Variants in LIPG observed in about 807,000 individuals in gnomAD.
LIPG encodes lipase G, endothelial type.
In LIPG, 34 loss-of-function variants were observed where a neutral mutation model predicts 51.8. The observed-to-expected ratio is 0.66, with a 90% CI of 0.50 to 0.87. LIPG has a LOEUF of 0.87. Ranked by LOEUF, LIPG falls within the 40% of genes least tolerant of loss-of-function variation. The pLI is 0.00. For synonymous variants in LIPG, 246 were observed against 246.1 expected (o/e 1.00, Z 0.00); for missense variants, 580 against 652.7 (o/e 0.89, Z 1.21).
intron 3 of LIPG, among the ~76,000 whole-genome samples, chr18:49,568,674 C>T (rs2084632433): frequency 6.6e-6 from 1 of 152,206 alleles, no homozygotes; most frequent in South Asian, 2.1e-4. Context: ...AGCCACCGCA[C>T]CCAGCCTATT....
intron 9 of LIPG, among the ~76,000 whole-genome samples, chr18:49,589,153 G>A (rs189380524): frequency 2.6e-5 from 4 of 152,254 alleles, no homozygotes; most frequent in African/African-American, 9.6e-5. Flanking sequence ...TTATCAGGCA[G>A]CTGTGCCCGT....
intron 3 of LIPG, among the ~76,000 whole-genome samples, chr18:49,568,116 A>G (rs1180831299): frequency 6.6e-6 from 1 of 151,800 alleles, no homozygotes; most frequent in East Asian, 1.9e-4. Flanking sequence ...TGCAACCTCC[A>G]CCTCCCAGGT....
chr18:49,595,630 C>G lies in LIPG; in HGVS notation c.*5108C>G, dbSNP rs1294101699. The G allele has an allele frequency of 6.6e-6, 1 of 152,166 alleles. No individual in the cohort carries two copies. Among genetic ancestry groups the G allele is most frequent in the African/African-American group, 2.4e-5 (1 of 41,438 alleles). 9.4% of individuals were successfully genotyped at this position (152,166 alleles called of 1,614,324 possible). A position where few individuals can be genotyped will look rare whatever the true frequency, so the allele number is the denominator to read the frequency against. ...GGATCACGAGGTCAGGAGTGCGAGA[C>G]CAGCCTGGCCAATATGGTGAAACCA... On this transcript the variant is annotated 3_prime_UTR_variant, in exon 10 of 10. Transcript: ENST00000261292.
chr18:49,573,006 G>T (rs904897714), intron 4 of LIPG, among the ~76,000 whole-genome samples: 1 of 152,216 alleles, frequency 6.6e-6, no homozygotes, highest in Non-Finnish European at 1.5e-5. Context: ...CCACAGATAT[G>T]TGTCAGGGAC....
Position 49,590,951 on chromosome 18 carries a change from G to A in LIPG, c.*429G>A, listed in dbSNP as rs116186267. 2.7e-3 allele frequency: 790 copies of A among 293,214 alleles called. 8 individuals are homozygous for A. The highest frequency in any genetic ancestry group is 0.016 in the African/African-American group (723 of 46,350). The allele number at this position is 293,214 out of a possible 1,614,324, so 18.2% of individuals were successfully genotyped here. On this transcript the variant is annotated 3_prime_UTR_variant, in exon 10 of 10. Coordinates refer to ENST00000261292, the MANE Select transcript of LIPG (RefSeq NM_006033.4). ...TTGAGCCTCAGTGAGAAGTCCTTCC[G>A]ACAGGAGCTGACTCATGTCAGGATG...
At position 49,577,944 on chromosome 18, in the gene LIPG, T is replaced by C. The variant is rs867407856; in HGVS notation, c.793+2354T>C. ...GCGGGCAGAGGCGCCCCTCACCTCC[T>C]GGACGGGGCGGCTGGCCGGGCAGGG... On this transcript the variant is annotated intron_variant, in intron 5 of 9. Coordinates refer to ENST00000261292, the MANE Select transcript of LIPG (RefSeq NM_006033.4). Among the ~76,000 whole-genome samples the C allele has an allele frequency of 1.1e-3, 84 of 74,128 alleles. 1 individual carries two copies. Among genetic ancestry groups the C allele is most frequent in the South Asian group, 3.5e-3 (6 of 1,710 alleles). The allele number at this position is 74,128 out of a possible 152,430, so 48.6% of individuals were successfully genotyped here.
chr18:49,576,954 C>T (rs1568530936), intron 5 of LIPG, among the ~76,000 whole-genome samples: 1 of 152,198 alleles, frequency 6.6e-6, no homozygotes, highest in African/African-American at 2.4e-5. Context: ...GATTTACTAA[C>T]ATTATTTTTA....
At position 49,583,788 on chromosome 18, in the gene LIPG, G is replaced by A. The variant is rs773827861; in HGVS notation, c.1376+14G>A. 2 of 1,600,604 alleles carry A rather than the reference G, an allele frequency of 1.2e-6. No homozygotes were observed. The highest frequency in any genetic ancestry group is 8.5e-7 in the Non-Finnish European group (1 of 1,173,284). ...AACCCAGCGGAAGTAAGTGCCTCCT[G>A]CTCCTTCTTCTGCCTGGTGTAGGTG... On this transcript the variant is annotated intron_variant, in intron 8 of 9. Coordinates refer to ENST00000261292, the MANE Select transcript of LIPG (RefSeq NM_006033.4).
Position 49,594,701 on chromosome 18 carries a change from A to C in LIPG, c.*4179A>C, listed in dbSNP as rs1029337370. 1 of 152,210 alleles carries C rather than the reference A, an allele frequency of 6.6e-6. No individual in the cohort carries two copies. Among genetic ancestry groups the C allele is most frequent in the South Asian group, 2.1e-4 (1 of 4,828 alleles). 9.4% of individuals were successfully genotyped at this position (152,210 alleles called of 1,614,324 possible). A position where few individuals can be genotyped will look rare whatever the true frequency, so the allele number is the denominator to read the frequency against. On this transcript the variant is annotated 3_prime_UTR_variant, in exon 10 of 10. Coordinates refer to ENST00000261292, the MANE Select transcript of LIPG (RefSeq NM_006033.4). ...CTTTATTTCTGGTCTTAAGTGTGAA[A>C]ACATTTCTAAATGACAAGGAAGCTC...
chr18:49,571,722 G>A (rs2084665991), intron 4 of LIPG, among the ~76,000 whole-genome samples: 1 of 152,196 alleles, frequency 6.6e-6, no homozygotes, highest in Non-Finnish European at 1.5e-5. Context: ...ATTGAGACTT[G>A]CATGGGGTCC....
At chr18:49,585,183 T>C (rs2084868387) in intron 8 of LIPG, among the ~76,000 whole-genome samples, 2 of 152,206 alleles carry the variant, frequency 1.3e-5, no homozygotes, top group African/African-American at 2.4e-5. Flanking sequence ...TGACTCAGCC[T>C]TCTGAGTAAC....
At chr18:49,561,949 G>A, upstream of LIPG, 1 of 1,368,804 alleles carries the variant, frequency 7.3e-7, no homozygotes, top group Middle Eastern at 2.7e-4. Flanking sequence ...CGTCAGCAAG[G>A]TGTGACCAAT....
chr18:49,577,705 CA>C (rs1313689163), intron 5 of LIPG, among the ~76,000 whole-genome samples: 4 of 80,920 alleles, frequency 4.9e-5, no homozygotes, highest in Admixed American at 9.9e-5. Context: ...GCTGACCCCC[CA>C]ACCTCCCTCC....
Position 49,562,410 on chromosome 18 carries a change from C to G in LIPG, c.97+5C>G, listed in dbSNP as rs376279370. On this transcript the variant is annotated splice_donor_5th_base_variant and intron_variant, in intron 1 of 9. Transcript: ENST00000261292. Reference sequence around the variant, plus strand: ...GTCCAGAGGGACGGCTGGAAGGTAACGTGAATTTGTTTTTATTCCCCCCAG... The same window carrying G: ...GTCCAGAGGGACGGCTGGAAGGTAAGGTGAATTTGTTTTTATTCCCCCCAG... The G allele has an allele frequency of 6.2e-7, 1 of 1,613,092 alleles. No homozygotes were observed.
chr18:49,565,605 C>T, intron 2 of LIPG, 107 bp downstream of exon 2: 2 of 1,295,500 alleles, frequency 1.5e-6, no homozygotes, highest in Admixed American at 1.9e-5. Context: ...CCTCTTCCCC[C>T]CTTTCCTTGT....
intron 7 of LIPG, among the ~76,000 whole-genome samples, 156 bp downstream of exon 7, chr18:49,582,638 C>T (rs980861982): frequency 3.3e-5 from 5 of 152,210 alleles, no homozygotes; most frequent in African/African-American, 1.2e-4. Context: ...CCTCTGCAGT[C>T]CTCTCTCCCA....
chr18:49,562,142 G>A lies in LIPG; in HGVS notation c.-167G>A. 1 of 1,467,784 alleles carries A rather than the reference G, an allele frequency of 6.8e-7. No individual in the cohort carries two copies. The highest frequency in any genetic ancestry group is 1.4e-5 in the South Asian group (1 of 70,976). The allele number at this position is 1,467,784 out of a possible 1,614,324, so 90.9% of individuals were successfully genotyped here. ...CCGTTGACACTCGCTCCCTGCCACC[G>A]CCCGGGCTCCGTGCCGCCAAGTTTT... is the stretch of plus-strand genomic sequence containing the variant. On this transcript the variant is annotated 5_prime_UTR_variant, in exon 1 of 10. Transcript: ENST00000261292.
At chr18:49,587,988 C>T (rs1489789699) in intron 9 of LIPG, among the ~76,000 whole-genome samples, 1 of 152,106 alleles carries the variant, frequency 6.6e-6, no homozygotes, top group Non-Finnish European at 1.5e-5. Context: ...CGGGGTTTCA[C>T]CATGTTGCCC....
intron 9 of LIPG, among the ~76,000 whole-genome samples, chr18:49,587,462 G>A (rs772360521): frequency 4.6e-5 from 7 of 151,398 alleles, no homozygotes; most frequent in African/African-American, 7.3e-5. Flanking sequence ...CCAGCTACTC[G>A]GGAGGCTGAG....
Sources: gnomAD v4.1 joint callset for allele counts (sites outside exome capture counted in the v4.1 genomes callset) on GRCh38, gnomAD v4.1.1 for gene constraint, MANE v1.5 for transcripts, NCBI Gene and HGNC (gene_info 2026-07-23, HGNC 2026-07-21) for gene names.